The following RGS7 variants were observed in gnomAD, a reference collection of about 807,000 sequenced individuals.
RGS7 encodes regulator of G-protein signaling 7.
RGS7 carries 27 observed loss-of-function variants against 81.1 expected under a neutral mutation model. The ratio of observed to expected loss-of-function variants is 0.33; its 90% CI spans 0.25 to 0.46. The LOEUF (loss-of-function observed/expected upper bound fraction) is 0.46. Among genes scored for constraint, RGS7 ranks in the 20% least tolerant of loss-of-function variants. The pLI, the probability that RGS7 is intolerant of heterozygous loss-of-function variation, is 1.00. For synonymous variants in RGS7, 208 were observed against 207.7 expected (o/e 1.00, Z -0.01); for missense variants, 396 against 607.4 (o/e 0.65, Z 3.66).
chr1:241,130,715 C>G (rs527664889), intron 2 of RGS7, among the ~76,000 whole-genome samples: 1 of 150,660 alleles, frequency 6.6e-6, no homozygotes, highest in African/African-American at 2.5e-5. Context: ...CACAAAATAT[C>G]TGAATTTTAC....
chr1:241,288,657 G>T (rs183662156), intron 2 of RGS7, among the ~76,000 whole-genome samples: 1 of 152,160 alleles, frequency 6.6e-6, no homozygotes, highest in Non-Finnish European at 1.5e-5. Context: ...AGTAAGGGAG[G>T]CCACAAGGTC....
chr1:241,197,257 T>C (rs376342846), intron 2 of RGS7, among the ~76,000 whole-genome samples: 2 of 5,134 alleles, frequency 3.9e-4, no homozygotes, highest in Admixed American at 4.3e-3. Flanking sequence ...GTATCTTTTT[T>C]TTTTTTTTTT....
At chr1:240,967,957 C>T (rs550629307) in intron 4 of RGS7, among the ~76,000 whole-genome samples, 3 of 152,228 alleles carry the variant, frequency 2.0e-5, no homozygotes, top group Admixed American at 1.3e-4. Flanking sequence ...CATTTGACTC[C>T]TGTCCCTAGG....
At chr1:241,347,079 A>T (rs531452692) in intron 2 of RGS7, among the ~76,000 whole-genome samples, 1 of 152,192 alleles carries the variant, frequency 6.6e-6, no homozygotes, top group African/African-American at 2.4e-5. Context: ...AAAAATTTCT[A>T]TGAAACCAGT....
intron 3 of RGS7, among the ~76,000 whole-genome samples, chr1:241,071,875 A>AAAAAAAAAAC (rs1491456325): frequency 5.5e-5 from 2 of 36,160 alleles, no homozygotes; most frequent in East Asian, 1.1e-3. Flanking sequence ...AGACCCTGTC[A>AAAAAAAAAAC]AAAAAAAAAA....
At position 241,087,995 on chromosome 1, in the gene RGS7, T is replaced by TATATAC. The variant is rs1553414167; in HGVS notation, c.175+10670_175+10671insGTATAT. Among the ~76,000 whole-genome samples the TATATAC allele has an allele frequency of 3.4e-3, 398 of 116,200 alleles. 4 individuals are homozygous for TATATAC. The highest frequency in any genetic ancestry group is 0.01 in the East Asian group (41 of 4,090). 76.2% of individuals were successfully genotyped at this position (116,200 alleles called of 152,430 possible). On this transcript the variant is annotated intron_variant, in intron 3 of 18. Coordinates refer to ENST00000440928, the MANE Select transcript of RGS7 (RefSeq NM_001364886.1). ...CTCTCTCTATATATATATATATATATACACACACACACATATATATATACA... is the reference window on the plus strand; with the variant it reads ...CTCTCTCTATATATATATATATATATATATACACACACACACACATATATATATACA...
intron 18 of RGS7, among the ~76,000 whole-genome samples, chr1:240,780,913 CAAA>C (rs35853032): frequency 9.3e-5 from 6 of 64,214 alleles, no homozygotes; most frequent in African/African-American, 9.8e-5. Flanking sequence ...GACTCTGTCT[CAAA>C]AAAAAAAAAA....
chr1:240,849,809 C>T (rs1324872092), intron 9 of RGS7, among the ~76,000 whole-genome samples: 1 of 152,186 alleles, frequency 6.6e-6, no homozygotes, highest in Admixed American at 6.5e-5. Context: ...GCCTGTAGAA[C>T]GATGAGCCAA....
chr1:241,058,630 A>C (rs79587407), intron 3 of RGS7, among the ~76,000 whole-genome samples: 2,670 of 152,286 alleles, frequency 0.018, 48 homozygotes, highest in African/African-American at 0.045. Flanking sequence ...AACCTATAGC[A>C]ATGTTAGCTT....
chr1:240,818,695 A>C (rs1462325944), intron 10 of RGS7, among the ~76,000 whole-genome samples: 1 of 152,212 alleles, frequency 6.6e-6, no homozygotes, highest in African/African-American at 2.4e-5. Flanking sequence ...TGCTAGGCAG[A>C]GAGGTCTTTA....
rs547338654 is a variant in RGS7 at position 241,304,896 on chromosome 1, T to G, written c.78+50803A>C. Among the ~76,000 whole-genome samples the G allele has an allele frequency of 3.3e-5, 5 of 152,394 alleles. 2 individuals carry two copies. Among genetic ancestry groups the G allele is most frequent in the African/African-American group, 1.2e-4 (5 of 41,596 alleles). On this transcript the variant is annotated intron_variant, in intron 2 of 18. Transcript: ENST00000440928. Reference sequence around the variant, plus strand: ...ACTCTATTATTGCCTATATTTAGGTTGTTCATGATTAAATCACAATTACTA... The same window carrying G: ...ACTCTATTATTGCCTATATTTAGGTGGTTCATGATTAAATCACAATTACTA...
chr1:240,928,904 C>T (rs912450544), intron 6 of RGS7, among the ~76,000 whole-genome samples: 1 of 152,152 alleles, frequency 6.6e-6, no homozygotes, highest in African/African-American at 2.4e-5. Flanking sequence ...AACCACTGTG[C>T]CCGGCTGGGA....
intron 6 of RGS7, among the ~76,000 whole-genome samples, chr1:240,878,729 C>T (rs2148071819): frequency 1.3e-5 from 2 of 152,154 alleles, no homozygotes. Flanking sequence ...TGTATACACA[C>T]ACACACACAG....
intron 2 of RGS7, among the ~76,000 whole-genome samples, chr1:241,192,091 G>A (rs539231590): frequency 2.0e-5 from 3 of 151,166 alleles, no homozygotes; most frequent in African/African-American, 4.9e-5. Flanking sequence ...GGAATAGAAA[G>A]GTTATTATCT....
chr1:241,070,387 T>C (rs1347273375), intron 3 of RGS7, among the ~76,000 whole-genome samples: 1 of 151,158 alleles, frequency 6.6e-6, no homozygotes, highest in Non-Finnish European at 1.5e-5. Context: ...AATCAATTCA[T>C]TTATGACTTT....
chr1:240,828,263 T>G (rs753596035), intron 9 of RGS7, among the ~76,000 whole-genome samples: 28 of 152,046 alleles, frequency 1.8e-4, no homozygotes, highest in Non-Finnish European at 2.6e-4. Flanking sequence ...AACAAATAGA[T>G]GCAAGCTCCT....
intron 6 of RGS7, among the ~76,000 whole-genome samples, chr1:240,928,693 C>G (rs1422485641): frequency 2.0e-5 from 3 of 151,276 alleles, no homozygotes; most frequent in African/African-American, 7.3e-5. Flanking sequence ...ACTGCAACCT[C>G]CATTTCTCAG....
intron 2 of RGS7, among the ~76,000 whole-genome samples, chr1:241,244,013 C>A (rs181869473): frequency 5.6e-4 from 85 of 152,220 alleles, no homozygotes; most frequent in Non-Finnish European, 1.2e-3. Context: ...TCCTTTCTAG[C>A]GGGCAGTGAA....
chr1:241,035,355 G>A (rs532122109), intron 3 of RGS7, among the ~76,000 whole-genome samples: 295 of 62,634 alleles, frequency 4.7e-3, no homozygotes, highest in African/African-American at 0.015. Context: ...AACAGCATAA[G>A]GAAGTAAAAA....
Sources: allele counts gnomAD v4.1 joint callset (sites outside exome capture counted in the v4.1 genomes callset), GRCh38; gene constraint gnomAD v4.1.1; transcripts MANE v1.5; gene names NCBI Gene and HGNC (gene_info 2026-07-23, HGNC 2026-07-21).